The following VPS26A variants were observed in gnomAD, a reference collection of about 807,000 sequenced individuals.
The protein encoded by VPS26A is VPS26 retromer complex component A.
A neutral mutation model predicts 42.4 loss-of-function variants in VPS26A; 22 were observed. The ratio of observed to expected loss-of-function variants is 0.52; its 90% CI spans 0.37 to 0.74. The LOEUF is 0.74. VPS26A is among the 30% of genes least tolerant of loss of function. The pLI is 0.00. For synonymous variants in VPS26A, 110 were observed against 123.5 expected (o/e 0.89, Z 0.73); for missense variants, 276 against 379.2 (o/e 0.73, Z 2.26).
chr10:69,135,784 C>T (rs1309378443), intron 2 of VPS26A, among the ~76,000 whole-genome samples: 2 of 151,830 alleles, frequency 1.3e-5, no homozygotes, highest in Admixed American at 6.6e-5. Flanking sequence ...TGAAAAAACA[C>T]GTGTAGAAAA....
chr10:69,168,918 T>C (rs1310199428), intron 8 of VPS26A, among the ~76,000 whole-genome samples: 1 of 152,046 alleles, frequency 6.6e-6, no homozygotes, highest in Non-Finnish European at 1.5e-5. Context: ...GCTGCTTATT[T>C]AGAAAAAAAT....
intron 5 of VPS26A, 83 bp downstream of exon 5, chr10:69,158,294 A>C (rs1396505443): frequency 8.5e-7 from 1 of 1,176,972 alleles, no homozygotes; most frequent in Non-Finnish European, 1.2e-6. Context: ...CAAAGTAAGG[A>C]TAGAATTGAC....
intron 4 of VPS26A, 40 bp downstream of exon 4, chr10:69,157,203 C>G: frequency 6.4e-7 from 1 of 1,564,920 alleles, no homozygotes; most frequent in Non-Finnish European, 8.7e-7. Context: ...GAATCAAAAC[C>G]AGAAAGTAAT....
At chr10:69,156,091 C>T (rs1241230964) in intron 3 of VPS26A, among the ~76,000 whole-genome samples, 1 of 151,992 alleles carries the variant, frequency 6.6e-6, no homozygotes. Context: ...TATATCATTT[C>T]ATGATATATA....
rs1841821081 is a variant in VPS26A at position 69,171,765 on chromosome 10, A to G, written c.*496A>G. The G allele has an allele frequency of 6.5e-6, 1 of 153,374 alleles. No homozygotes were observed. 9.5% of individuals were successfully genotyped at this position (153,374 alleles called of 1,614,324 possible). A position where few individuals can be genotyped will look rare whatever the true frequency, so the allele number is the denominator to read the frequency against. Reference sequence around the variant, plus strand: ...CAGAGATTTAAAACATGGCATCTCAATATTTTTGAGAACTACATTTGTTTT... The same window carrying G: ...CAGAGATTTAAAACATGGCATCTCAGTATTTTTGAGAACTACATTTGTTTT... On this transcript the variant is annotated 3_prime_UTR_variant, in exon 9 of 9. Coordinates refer to ENST00000263559, the MANE Select transcript of VPS26A (RefSeq NM_004896.5).
chr10:69,169,919 CTTTG>C (rs1564689630), intron 8 of VPS26A: 1 of 152,112 alleles, frequency 6.6e-6, no homozygotes, highest in East Asian at 1.9e-4. Context: ...GCCTCTAATT[CTTTG>C]TTTAATATAA....
intron 7 of VPS26A, 132 bp from the exon 8 acceptor site, chr10:69,168,357 C>T (rs766073177): frequency 1.4e-4 from 137 of 1,008,130 alleles, no homozygotes; most frequent in Admixed American, 6.3e-4. Context: ...TGAGGATGAA[C>T]CCTGGTCTTT....
At chr10:69,148,603 G>A (rs1314599454) in intron 2 of VPS26A, among the ~76,000 whole-genome samples, 2 of 152,186 alleles carry the variant, frequency 1.3e-5, no homozygotes, top group African/African-American at 4.8e-5. Flanking sequence ...TATAAATGGT[G>A]TGTGGTACAT....
At chr10:69,170,674 G>C (rs1189966020) in intron 8 of VPS26A, among the ~76,000 whole-genome samples, 2 of 152,232 alleles carry the variant, frequency 1.3e-5, no homozygotes, top group Non-Finnish European at 2.9e-5. Context: ...AAAGGTTATA[G>C]AGGGGCATGA....
intron 2 of VPS26A, among the ~76,000 whole-genome samples, chr10:69,146,871 A>C (rs187574140): frequency 3.4e-3 from 519 of 152,322 alleles, no homozygotes; most frequent in African/African-American, 0.011. Flanking sequence ...ACCATTATGA[A>C]TAATACTGCT....
chr10:69,160,137 C>CAG (rs1841521744), intron 5 of VPS26A, among the ~76,000 whole-genome samples: 1 of 45,066 alleles, frequency 2.2e-5, no homozygotes, highest in South Asian at 8.7e-4. Flanking sequence ...TACACACACA[C>CAG]ACACACACAC....
At chr10:69,147,985 T>C (rs562929045) in intron 2 of VPS26A, among the ~76,000 whole-genome samples, 163 of 152,346 alleles carry the variant, frequency 1.1e-3, no homozygotes, top group African/African-American at 3.7e-3. Flanking sequence ...GTGCTGGGAT[T>C]ACAGGCATGA....
At chr10:69,130,145 TTC>T (rs1840746615) in intron 1 of VPS26A, among the ~76,000 whole-genome samples, 1 of 152,136 alleles carries the variant, frequency 6.6e-6, no homozygotes, top group Non-Finnish European at 1.5e-5. Flanking sequence ...TTTGTTTATT[TTC>T]TGTTATTAAA....
At chr10:69,124,383 G>A (rs1207734037) in intron 1 of VPS26A, 103 bp downstream of exon 1, 2 of 1,173,880 alleles carry the variant, frequency 1.7e-6, no homozygotes, top group Non-Finnish European at 1.1e-6. Flanking sequence ...GGGGACGGGG[G>A]AGCAGGGCGG....
chr10:69,140,178 C>T (rs970848368), intron 2 of VPS26A, among the ~76,000 whole-genome samples: 2 of 151,990 alleles, frequency 1.3e-5, no homozygotes, highest in African/African-American at 2.4e-5. Context: ...AGCGATCCTC[C>T]TACCTCAGCC....
chr10:69,140,170 C>T (rs1350295425), intron 2 of VPS26A, among the ~76,000 whole-genome samples: 1 of 151,752 alleles, frequency 6.6e-6, no homozygotes, highest in Non-Finnish European at 1.5e-5. Flanking sequence ...AAGGCCCAAG[C>T]GATCCTCCTA....
At chr10:69,165,058 G>T (rs999321685) in intron 6 of VPS26A, among the ~76,000 whole-genome samples, 4 of 151,820 alleles carry the variant, frequency 2.6e-5, no homozygotes, top group African/African-American at 7.3e-5. Flanking sequence ...CTCCTGAGTA[G>T]CTGGGATTAT....
chr10:69,128,626 GT>G (rs1052044448), intron 1 of VPS26A, among the ~76,000 whole-genome samples: 2 of 152,032 alleles, frequency 1.3e-5, no homozygotes, highest in Non-Finnish European at 2.9e-5. Context: ...CCTTTTCTCT[GT>G]AAAACAATTT....
At chr10:69,128,677 G>A (rs1021977674) in intron 1 of VPS26A, among the ~76,000 whole-genome samples, 5 of 151,970 alleles carry the variant, frequency 3.3e-5, no homozygotes, top group Admixed American at 2.6e-4. Context: ...AAGTAGCTCT[G>A]GGAAGTGTCA....
Sources: allele counts gnomAD v4.1 joint callset (sites outside exome capture counted in the v4.1 genomes callset), GRCh38; gene constraint gnomAD v4.1.1; transcripts MANE v1.5; gene names NCBI Gene and HGNC (gene_info 2026-07-23, HGNC 2026-07-21).